PTRH1: variants seen among roughly 807,000 people sequenced by gnomAD.
PTRH1 encodes the protein peptidyl-tRNA hydrolase.
In PTRH1, 13 loss-of-function variants were observed where a neutral mutation model predicts 15.7. The ratio of observed to expected loss-of-function variants is 0.83; its 90% confidence interval spans 0.54 to 1.31. The LOEUF is 1.31. Among genes scored for constraint, PTRH1 ranks in the 40% most tolerant of loss-of-function variants. PTRH1 has a pLI of 0.00. For missense variants in PTRH1, 319 were observed against 296.2 expected, an observed-to-expected ratio of 1.08 and a Z score of -0.56; for synonymous variants, 139 against 136.7, an observed-to-expected ratio of 1.02 and a Z score of -0.12.
chr9:127,694,925 A>T lies in PTRH1; in HGVS notation c.420+2T>A. ...GGAGCACAGACTTCAGCATCAGCAT[A>T]CCTGGGTTAAATCCACCCTTGGCCT... On this transcript the variant is annotated splice_donor_variant, in intron 2 of 2. Transcript: ENST00000335223. LOFTEE classifies it high-confidence loss of function. 1.4e-6 allele frequency: 1 copy of T among 697,048 alleles called. No individual in the cohort carries two copies. The highest frequency in any genetic ancestry group is 1.5e-5 in the South Asian group (1 of 67,276). 43.2% of individuals were successfully genotyped at this position (697,048 alleles called of 1,614,324 possible).
At chr9:127,713,197 C>T (rs200954672), downstream of PTRH1, 14 of 1,546,006 alleles carry the variant, frequency 9.1e-6, no homozygotes, top group Non-Finnish European at 1.0e-5. Flanking sequence ...GGGCACACAG[C>T]AGCCCTGAGG....
chr9:127,703,584 A>G (rs1842620237), intron 1 of PTRH1, among the ~76,000 whole-genome samples: 1 of 152,254 alleles, frequency 6.6e-6, no homozygotes, highest in Non-Finnish European at 1.5e-5. Context: ...AAGCTGTGAC[A>G]AAAGTGAGTC....
chr9:127,710,791 C>A, downstream of PTRH1: 2 of 1,549,912 alleles, frequency 1.3e-6, no homozygotes, highest in Non-Finnish European at 1.7e-6. Context: ...CCTTTGGAGG[C>A]TTCATCCCTG....
chr9:127,704,938 G>A (rs1256049424), intron 1 of PTRH1, among the ~76,000 whole-genome samples: 1 of 151,852 alleles, frequency 6.6e-6, no homozygotes, highest in African/African-American at 2.4e-5. Flanking sequence ...TTAGAGATGG[G>A]GGTCTTGCTA....
downstream of PTRH1, chr9:127,711,538 G>A (rs1325464852): frequency 6.9e-6 from 11 of 1,590,110 alleles, no homozygotes; most frequent in Admixed American, 1.9e-4. Flanking sequence ...GGCATGCAAG[G>A]CAGGAGGCCG....
At chr9:127,704,533 A>AGAAAT (rs1374591835) in intron 1 of PTRH1, among the ~76,000 whole-genome samples, 1 of 151,858 alleles carries the variant, frequency 6.6e-6, no homozygotes, top group Non-Finnish European at 1.5e-5. Context: ...AGAAAAGAAA[A>AGAAAT]AGAAAAAAAA....
At position 127,705,492 on chromosome 9, in the gene PTRH1, C is replaced by T. The variant is rs1041496546; in HGVS notation, c.205+9943G>A. On this transcript the variant is annotated intron_variant, in intron 1 of 2. Coordinates refer to the PTRH1 transcript ENST00000335223. The surrounding 1 kb of genome is among the most constrained non-coding windows in gnomAD (Gnocchi z 4.7). Reference sequence around the variant, plus strand: ...AAAGCCATCCTGGTGCTGATGAAGGCGAGGAGGGCAGGTCTCCAAGCTGAC... The same window carrying T: ...AAAGCCATCCTGGTGCTGATGAAGGTGAGGAGGGCAGGTCTCCAAGCTGAC... 7.9e-5 allele frequency among the ~76,000 whole-genome samples: 12 copies of T among 152,212 alleles called. No homozygotes were observed. The highest frequency in any genetic ancestry group is 2.7e-4 in the African/African-American group (11 of 41,458).
At position 127,715,548 on chromosome 9, in the gene PTRH1, CACCGCTTCCCCGGG is replaced by C; in HGVS notation, c.78_91del (p.Pro27AspfsTer90). 1 of 1,613,496 alleles carries C rather than the reference CACCGCTTCCCCGGG, an allele frequency of 6.2e-7. No homozygotes were observed. The highest frequency in any genetic ancestry group is 8.5e-7 in the Non-Finnish European group (1 of 1,180,024). ...TCGCCGCCCCACGCCACTCACCATCCACCGCTTCCCCGGGGGGCGAGGCTCCAAAACACATCGGC... is the reference window on the plus strand; with the variant it reads ...TCGCCGCCCCACGCCACTCACCATCCGGGCGAGGCTCCAAAACACATCGGC... On this transcript the variant is annotated frameshift_variant, in exon 1 of 5. Coordinates refer to ENST00000543175, the MANE Select transcript of PTRH1 (RefSeq NM_001002913.3). LOFTEE classifies it high-confidence loss of function. This position sits in a 1 kb window ranked among gnomAD's most constrained non-coding sequence, Gnocchi z 5.8.
chr9:127,712,305 G>A, downstream of PTRH1: 1 of 1,614,090 alleles, frequency 6.2e-7, no homozygotes, highest in Non-Finnish European at 8.5e-7. Flanking sequence ...CAGCCTGGAG[G>A]CGGCTCTGGT....
At chr9:127,707,303 T>G in intron 1 of PTRH1, 5 of 1,183,338 alleles carry the variant, frequency 4.2e-6, no homozygotes, top group Non-Finnish European at 5.9e-6. Context: ...TGACCTCCCC[T>G]GGGATGTCCA....
In PTRH1 at chr9:127,706,857, C is replaced by A. The variant is rs565937993; in HGVS notation, c.205+8578G>T. On this transcript the variant is annotated intron_variant, in intron 1 of 2. Transcript: ENST00000335223. Reference sequence around the variant, plus strand: ...TGGCCTGGGACTCCTGGGCCTGGGGCCTCACTGATGCCATCTGCCTTGGAG... The same window carrying A: ...TGGCCTGGGACTCCTGGGCCTGGGGACTCACTGATGCCATCTGCCTTGGAG... 176 of 686,308 alleles carry A rather than the reference C, an allele frequency of 2.6e-4. No individual in the cohort carries two copies. In the South Asian group the frequency reaches 3.9e-3, roughly 15 times the overall value. The allele number at this position is 686,308 out of a possible 1,614,324, so 42.5% of individuals were successfully genotyped here.
downstream of PTRH1, chr9:127,712,027 C>T (rs377034913): frequency 6.3e-5 from 96 of 1,529,440 alleles, 1 homozygote; most frequent in African/African-American, 3.5e-4. Flanking sequence ...TCCGATCCCA[C>T]GACCCAGGCC....
In PTRH1 at chr9:127,715,251, C is replaced by T. The variant is rs1416453702; in HGVS notation, c.97-57G>A. 2.0e-6 allele frequency: 3 copies of T among 1,501,160 alleles called. No homozygotes were observed. Among genetic ancestry groups the T allele is most frequent in the East Asian group, 2.5e-5 (1 of 40,722 alleles). The allele number at this position is 1,501,160 out of a possible 1,614,324, so 93.0% of individuals were successfully genotyped here. Reference sequence around the variant, plus strand: ...ACAACTCTCGCCACCCCCGATCTCACAGCGTCCCGTGGGCCCCAACGCAGA... The same window carrying T: ...ACAACTCTCGCCACCCCCGATCTCATAGCGTCCCGTGGGCCCCAACGCAGA... On this transcript the variant is annotated intron_variant, in intron 1 of 4. Coordinates refer to ENST00000543175, the MANE Select transcript of PTRH1 (RefSeq NM_001002913.3). The surrounding 1 kb of genome is among the most constrained non-coding windows in gnomAD (Gnocchi z 5.8).
chr9:127,715,463 G>A lies in PTRH1; in HGVS notation c.96+81C>T. The stretch of plus-strand genomic sequence containing the variant: ...TTAAGAAAACAGAGCAGCAATTTGG[G>A]GGCACTCGGCTCCCGGGACATAATG... On this transcript the variant is annotated intron_variant, in intron 1 of 4. Coordinates refer to ENST00000543175, the MANE Select transcript of PTRH1 (RefSeq NM_001002913.3). The surrounding 1 kb of genome is among the most constrained non-coding windows in gnomAD (Gnocchi z 5.8). 1 of 1,581,646 alleles carries A rather than the reference G, an allele frequency of 6.3e-7. No homozygotes were observed. Among genetic ancestry groups the A allele is most frequent in the East Asian group, 2.3e-5 (1 of 44,176 alleles).
rs768925730 is a variant in PTRH1, at chr9:127,713,948, TCA to T, written c.*150_*151del. 1 of 1,593,900 alleles carries T rather than the reference TCA, an allele frequency of 6.3e-7. No homozygotes were observed. Among genetic ancestry groups the T allele is most frequent in the South Asian group, 1.1e-5 (1 of 90,594 alleles). On this transcript the variant is annotated 3_prime_UTR_variant, in exon 5 of 5. Coordinates refer to ENST00000543175, the MANE Select transcript of PTRH1 (RefSeq NM_001002913.3). ...CTACTCCAGAAATGGACTGGTCCAG[TCA>T]CAGTCACCCCCACTTTAATCCGCAG... is the stretch of plus-strand genomic sequence containing the variant.
chr9:127,711,370 G>C, downstream of PTRH1: 5 of 1,614,210 alleles, frequency 3.1e-6, no homozygotes, highest in Non-Finnish European at 4.2e-6. Flanking sequence ...GGGTCTCCCA[G>C]CAAGGCATGA....
At chr9:127,710,388 G>C (rs1242097612), downstream of PTRH1, among the ~76,000 whole-genome samples, 1 of 152,000 alleles carries the variant, frequency 6.6e-6, no homozygotes, top group Non-Finnish European at 1.5e-5. Context: ...AACTTCATAA[G>C]ATTCATGGAG....
At chr9:127,710,818 A>G (rs1842749512), downstream of PTRH1, 3 of 1,523,964 alleles carry the variant, frequency 2.0e-6, no homozygotes, top group East Asian at 2.5e-5. Context: ...CGAACATCCT[A>G]GTCTTCAGGC....
chr9:127,715,656 C>G lies in PTRH1; in HGVS notation c.-17G>C, dbSNP rs762598511. 4.6e-5 allele frequency: 74 copies of G among 1,607,730 alleles called. No homozygotes were observed. The highest frequency in any genetic ancestry group is 1.6e-4 in the Middle Eastern group (1 of 6,078). On this transcript the variant is annotated 5_prime_UTR_variant, in exon 1 of 5. Coordinates refer to ENST00000543175, the MANE Select transcript of PTRH1 (RefSeq NM_001002913.3). This position sits in a 1 kb window ranked among gnomAD's most constrained non-coding sequence, Gnocchi z 5.8. ...CGGCCTCATGCTGCCCCCATTCACTCCGACACCGCCCCCTGACGTCATCAC... is the reference window on the plus strand; with the variant it reads ...CGGCCTCATGCTGCCCCCATTCACTGCGACACCGCCCCCTGACGTCATCAC...
Sources: allele counts gnomAD v4.1 joint callset (sites outside exome capture counted in the v4.1 genomes callset), GRCh38; gene constraint gnomAD v4.1.1; non-coding constraint Gnocchi (gnomAD v3.1); transcripts MANE v1.5; gene names NCBI Gene and HGNC (gene_info 2026-07-23, HGNC 2026-07-21).